The following LSAMP variants were observed in gnomAD, a reference collection of about 807,000 sequenced individuals.
The protein encoded by LSAMP is limbic system-associated membrane protein.
A neutral mutation model predicts 38.6 loss-of-function variants in LSAMP; 7 were observed. That is an observed-to-expected ratio of 0.18 (90% CI 0.10 to 0.34). The LOEUF is 0.34. Among genes scored for constraint, LSAMP ranks in the 10% least tolerant of loss-of-function variants. The pLI is 1.00. For synonymous variants in LSAMP, 154 were observed against 166.8 expected (o/e 0.92, Z 0.59); for missense variants, 313 against 420.0 (o/e 0.75, Z 2.23).
chr3:115,988,593 C>G (rs942240952), intron 3 of LSAMP, among the ~76,000 whole-genome samples: 1 of 152,014 alleles, frequency 6.6e-6, no homozygotes, highest in Admixed American at 6.6e-5. Context: ...CACACCATTG[C>G]GACTTAGAGA....
At chr3:115,982,014 T>C (rs1393555076) in intron 3 of LSAMP, among the ~76,000 whole-genome samples, 2 of 152,232 alleles carry the variant, frequency 1.3e-5, no homozygotes, top group Non-Finnish European at 2.9e-5. Flanking sequence ...ATCTCTTGTA[T>C]GCTTCTTGGT....
chr3:116,087,962 T>G (rs932192936), intron 1 of LSAMP, among the ~76,000 whole-genome samples: 2 of 151,108 alleles, frequency 1.3e-5, no homozygotes, highest in African/African-American at 4.9e-5. Flanking sequence ...GGCCTGATCA[T>G]AGCTCACTGC....
rs1460663107 is a variant in LSAMP at position 116,348,445 on chromosome 3, C to A, written c.155+96432G>T. 4.6e-5 allele frequency among the ~76,000 whole-genome samples: 7 copies of A among 152,078 alleles called. No homozygotes were observed. In the East Asian group the frequency reaches 1.4e-3, roughly 29 times the overall value. On this transcript the variant is annotated intron_variant, in intron 1 of 6. Transcript: ENST00000490035. Reference sequence around the variant, plus strand: ...TTTCTTTAACAAAGCACCTGACATTCAAGGTTTGTTTCATCCTGTCCTATG... The same window carrying A: ...TTTCTTTAACAAAGCACCTGACATTAAAGGTTTGTTTCATCCTGTCCTATG...
intron 1 of LSAMP, among the ~76,000 whole-genome samples, chr3:116,285,627 G>A (rs190120577): frequency 2.0e-5 from 3 of 152,052 alleles, no homozygotes; most frequent in Admixed American, 6.5e-5. Flanking sequence ...AACAAGTGAT[G>A]GTATTTGCTG....
intron 2 of LSAMP, among the ~76,000 whole-genome samples, chr3:116,059,561 G>A (rs1225479090): frequency 6.6e-6 from 1 of 152,090 alleles, no homozygotes; most frequent in African/African-American, 2.4e-5. Flanking sequence ...CCTGGATAAA[G>A]GTGCAGCACA....
Position 116,397,334 on chromosome 3 carries a change from G to T in LSAMP, c.155+47543C>A, listed in dbSNP as rs543214997. On this transcript the variant is annotated intron_variant, in intron 1 of 6. Coordinates refer to ENST00000490035, the MANE Select transcript of LSAMP (RefSeq NM_002338.5). Reference sequence around the variant, plus strand: ...CTGCCTCAAGGCCTTTTCACTTGCTGTTCTTTCAACCTAGAGTGCTTTTCC... The same window carrying T: ...CTGCCTCAAGGCCTTTTCACTTGCTTTTCTTTCAACCTAGAGTGCTTTTCC... 7.3e-5 allele frequency among the ~76,000 whole-genome samples: 11 copies of T among 151,624 alleles called. No individual in the cohort carries two copies. In the South Asian group the frequency reaches 2.3e-3, roughly 32 times the overall value.
At chr3:116,425,408 C>A (rs1312400525) in intron 1 of LSAMP, among the ~76,000 whole-genome samples, 3 of 152,152 alleles carry the variant, frequency 2.0e-5, no homozygotes, top group Admixed American at 6.5e-5. Context: ...TCAACCCTGG[C>A]CCAGGCAACA....
rs1933683959 is a variant in LSAMP, at chr3:115,808,143, TCCC to T, written c.*2171_*2173del. ...CTCCCTCCCTCCCTCCCTCCCTCCC[TCCC>T]TCCCCCCCTTCCCCGTCCCCCCCTC... On this transcript the variant is annotated 3_prime_UTR_variant, in exon 7 of 7. Transcript: ENST00000490035. 1 of 53,822 alleles carries T rather than the reference TCCC, an allele frequency of 1.9e-5. No individual in the cohort carries two copies. The highest frequency in any genetic ancestry group is 9.3e-5 in the African/African-American group (1 of 10,808). 3.3% of individuals were successfully genotyped at this position (53,822 alleles called of 1,614,324 possible). A position where few individuals can be genotyped will look rare whatever the true frequency, so the allele number is the denominator to read the frequency against.
intron 1 of LSAMP, among the ~76,000 whole-genome samples, chr3:116,279,093 C>T (rs916717566): frequency 6.6e-6 from 1 of 152,134 alleles, no homozygotes; most frequent in African/African-American, 2.4e-5. Flanking sequence ...GGACATGAAT[C>T]ACAGGAATGC....
At chr3:116,320,789 G>A (rs1172665318) in intron 1 of LSAMP, among the ~76,000 whole-genome samples, 1 of 151,974 alleles carries the variant, frequency 6.6e-6, no homozygotes, top group Non-Finnish European at 1.5e-5. Flanking sequence ...CACAGTGACC[G>A]GCACATCATA....
At chr3:115,937,978 G>A (rs544635393) in intron 3 of LSAMP, among the ~76,000 whole-genome samples, 1 of 152,050 alleles carries the variant, frequency 6.6e-6, no homozygotes, top group Non-Finnish European at 1.5e-5. Context: ...TGGAAGAAAA[G>A]GTTTTTATTT....
chr3:116,445,204 C>T lies in LSAMP; in HGVS notation c.-173G>A. On this transcript the variant is annotated 5_prime_UTR_variant, in exon 1 of 7. Transcript: ENST00000490035. ...TCTTTCCCTCGCTCAGTCTCTTTTC[C>T]CTCTAAGACTTAACAAAGCCCTCAT... 6 of 623,842 alleles carry T rather than the reference C, an allele frequency of 9.6e-6. No individual in the cohort carries two copies. In the South Asian group the frequency reaches 1.2e-4, roughly 12 times the overall value. The allele number at this position is 623,842 out of a possible 1,614,324, so 38.6% of individuals were successfully genotyped here. A position where few individuals can be genotyped will look rare whatever the true frequency, so the allele number is the denominator to read the frequency against.
intron 1 of LSAMP, among the ~76,000 whole-genome samples, chr3:116,430,640 T>G (rs975052009): frequency 1.3e-5 from 2 of 152,054 alleles, no homozygotes; most frequent in African/African-American, 4.8e-5. Flanking sequence ...ATACTTCTAA[T>G]TCCTTCTTAT....
intron 3 of LSAMP, among the ~76,000 whole-genome samples, chr3:115,979,652 A>G (rs961384990): frequency 6.6e-6 from 1 of 152,066 alleles, no homozygotes; most frequent in Non-Finnish European, 1.5e-5. Context: ...CTTCCAAGGG[A>G]GATTGAGGAA....
intron 1 of LSAMP, among the ~76,000 whole-genome samples, chr3:116,218,938 T>G (rs2046251713): frequency 6.6e-6 from 1 of 152,226 alleles, no homozygotes; most frequent in Admixed American, 6.5e-5. Flanking sequence ...AACCATATAC[T>G]TTTTCTACTT....
chr3:115,919,595 CTG>C (rs1172605670), intron 3 of LSAMP, among the ~76,000 whole-genome samples: 2 of 152,206 alleles, frequency 1.3e-5, no homozygotes, highest in Admixed American at 6.5e-5. Flanking sequence ...GCATATGAAA[CTG>C]TGACAAAACA....
intron 1 of LSAMP, among the ~76,000 whole-genome samples, chr3:116,422,768 A>G (rs993199813): frequency 1.3e-5 from 2 of 152,196 alleles, no homozygotes; most frequent in African/African-American, 2.4e-5. Flanking sequence ...AAACTGCTAA[A>G]AATAAATAGT....
At chr3:116,411,429 T>C (rs1335067129) in intron 1 of LSAMP, among the ~76,000 whole-genome samples, 6 of 151,818 alleles carry the variant, frequency 4.0e-5, no homozygotes, top group Admixed American at 2.6e-4. Context: ...ATAGACACCA[T>C]GGAATACTAT....
In LSAMP at chr3:116,349,495, A is replaced by G. The variant is rs1164940294; in HGVS notation, c.155+95382T>C. 2.7e-5 allele frequency among the ~76,000 whole-genome samples: 4 copies of G among 149,128 alleles called. No homozygotes were observed. The East Asian group carries it at 7.8e-4, about 29-fold the overall frequency. On this transcript the variant is annotated intron_variant, in intron 1 of 6. Transcript: ENST00000490035. ...CCCCCCAAAAAAACTACACACACACACACACACTCTCTCTCTCTCTCTCAC... is the reference window on the plus strand; with the variant it reads ...CCCCCCAAAAAAACTACACACACACGCACACACTCTCTCTCTCTCTCTCAC...
Sources: allele counts gnomAD v4.1 joint callset (sites outside exome capture counted in the v4.1 genomes callset), GRCh38; gene constraint gnomAD v4.1.1; transcripts MANE v1.5; gene names NCBI Gene and HGNC (gene_info 2026-07-23, HGNC 2026-07-21).